Variants in CEP78 observed in about 807,000 individuals in gnomAD.
CEP78 encodes the protein centrosomal protein 78, also known as centrosomal protein of 78 kDa.
Under a neutral mutation model 81.2 loss-of-function variants are expected in CEP78, and 76 were observed. The ratio of observed to expected loss-of-function variants is 0.94; its 90% confidence interval spans 0.78 to 1.13. The LOEUF (loss-of-function observed/expected upper bound fraction) is 1.13. Among genes scored for constraint, CEP78 ranks in the 50% most tolerant of loss-of-function variants. The probability of loss-of-function intolerance (pLI) is 0.00; values close to 1 mark genes in which losing one functional copy is unlikely to be tolerated. For synonymous variants in CEP78, 293 were observed against 301.4 expected (o/e 0.97, Z 0.29); for missense variants, 918 against 846.8 (o/e 1.08, Z -1.04).
intron 10 of CEP78, chr9:78,253,990 C>G (rs1171337154): frequency 6.6e-6 from 1 of 152,154 alleles, no homozygotes; most frequent in Admixed American, 6.5e-5. Flanking sequence ...CTCATGACTT[C>G]TCTTCTGTAC....
rs990495084 is a variant in CEP78 at position 78,277,232 on chromosome 9, G to A, written c.*6381G>A. Reference sequence around the variant, plus strand: ...ACTGGAAAAAAATTGTAATAAATGTGTAAGAAAGGCATTCCCAACCAAGAC... The same window carrying A: ...ACTGGAAAAAAATTGTAATAAATGTATAAGAAAGGCATTCCCAACCAAGAC... On this transcript the variant is annotated 3_prime_UTR_variant, in exon 17 of 17. Coordinates refer to ENST00000643273, the MANE Select transcript of CEP78 (RefSeq NM_001330691.3). 6.6e-6 allele frequency: 1 copy of A among 151,946 alleles called. No individual in the cohort carries two copies. The highest frequency in any genetic ancestry group is 2.1e-4 in the South Asian group (1 of 4,812). 9.4% of individuals were successfully genotyped at this position (151,946 alleles called of 1,614,324 possible).
At chr9:78,240,960 C>G (rs1209678366) in intron 3 of CEP78, among the ~76,000 whole-genome samples, 2 of 149,306 alleles carry the variant, frequency 1.3e-5, no homozygotes, top group Non-Finnish European at 3.0e-5. Flanking sequence ...AAGACTCCGT[C>G]TCAAAAAAAA....
At position 78,239,645 on chromosome 9, in the gene CEP78, C is replaced by T. The variant is rs560291852; in HGVS notation, c.254-378C>T. Among the ~76,000 whole-genome samples, 466 of 152,294 alleles carry T rather than the reference C, an allele frequency of 3.1e-3. 1 individual carries two copies. Among genetic ancestry groups the T allele is most frequent in the African/African-American group, 0.011 (451 of 41,558 alleles). ...CCTCTTTGTAAATTTCTGACTCTTC[C>T]GGCTACGGCTCTGGGCTTTAGTCGG... is the stretch of plus-strand genomic sequence containing the variant. On this transcript the variant is annotated intron_variant, in intron 1 of 16. Coordinates refer to ENST00000643273, the MANE Select transcript of CEP78 (RefSeq NM_001330691.3).
In CEP78 at chr9:78,236,580, T is replaced by C. The variant is rs774048983; in HGVS notation, c.230T>C (p.Phe77Ser). 2 of 1,556,270 alleles carry C rather than the reference T, an allele frequency of 1.3e-6. No individual in the cohort carries two copies. The highest frequency in any genetic ancestry group is 1.7e-6 in the Non-Finnish European group (2 of 1,151,726). ...CCCTTGGTCTCCATCAAGAGCTTCT[T>C]CCAGCCCTGGCTGGGGGACACAGGT... is the stretch of plus-strand genomic sequence containing the variant. ...DLPLVSIKSF[F>S]QPWLGDTGSD... Residue 77 changes from phenylalanine (F) to serine (S), a missense_variant, in exon 1 of 17, where the codon TTC (phenylalanine) becomes TCC (serine). Physicochemically the swap from Phe to Ser is radical, Grantham distance 155. Coordinates refer to ENST00000643273, the MANE Select transcript of CEP78 (RefSeq NM_001330691.3).
intron 7 of CEP78, 102 bp downstream of exon 7, chr9:78,248,457 G>C (rs1367468727): frequency 1.3e-6 from 1 of 758,310 alleles, no homozygotes; most frequent in Non-Finnish European, 2.3e-6. Flanking sequence ...CTGAGCTCCA[G>C]TGATCTTCCC....
At chr9:78,240,627 AG>A (rs140238480) in intron 3 of CEP78, among the ~76,000 whole-genome samples, 1,634 of 152,318 alleles carry the variant, frequency 0.011, 13 homozygotes, top group Non-Finnish European at 0.012. Flanking sequence ...TTCATCTTTT[AG>A]AGTTTTTCTT....
At chr9:78,253,120 A>G (rs1209052714) in intron 9 of CEP78, 112 bp from the exon 10 acceptor site, 21 of 644,968 alleles carry the variant, frequency 3.3e-5, no homozygotes, top group Middle Eastern at 4.1e-4. Flanking sequence ...ATTTATCTCT[A>G]TGCACAGTTA....
Position 78,256,564 on chromosome 9 carries a change from G to A in CEP78, c.1380+1600G>A, listed in dbSNP as rs547010914. On this transcript the variant is annotated intron_variant, in intron 11 of 16. Coordinates refer to ENST00000643273, the MANE Select transcript of CEP78 (RefSeq NM_001330691.3). ...TTTTTTTTTTTTGAGATGGAGTCTC[G>A]CTCTGTCGCCCAGGCTGGAATGCAG... Among the ~76,000 whole-genome samples the A allele has an allele frequency of 2.5e-5, 3 of 118,356 alleles. No individual in the cohort carries two copies. The South Asian group carries it at 7.8e-4, about 31-fold the overall frequency. 77.6% of individuals were successfully genotyped at this position (118,356 alleles called of 152,430 possible).
rs561997676 is a variant in CEP78, at chr9:78,275,003, A to C, written c.*4152A>C. On this transcript the variant is annotated 3_prime_UTR_variant, in exon 17 of 17. Coordinates refer to ENST00000643273, the MANE Select transcript of CEP78 (RefSeq NM_001330691.3). Reference sequence around the variant, plus strand: ...TAGCAAATTTTGATCAGTGAAACACAGGTTTTTAAAAATGAAAGATAAACC... The same window carrying C: ...TAGCAAATTTTGATCAGTGAAACACCGGTTTTTAAAAATGAAAGATAAACC... 25 of 152,342 alleles carry C rather than the reference A, an allele frequency of 1.6e-4. No individual in the cohort carries two copies. Among genetic ancestry groups the C allele is most frequent in the South Asian group, 4.1e-4 (2 of 4,832 alleles). The allele number at this position is 152,342 out of a possible 1,614,324, so 9.4% of individuals were successfully genotyped here. A position where few individuals can be genotyped will look rare whatever the true frequency, so the allele number is the denominator to read the frequency against.
At position 78,265,640 on chromosome 9, in the gene CEP78, C is replaced by T. The variant is rs188962180; in HGVS notation, c.1797+97C>T. Reference sequence around the variant, plus strand: ...AAAAGAATAATGATCTGTGCACATGCTCAGGGACCAGAAGCATCTTTGGGG... The same window carrying T: ...AAAAGAATAATGATCTGTGCACATGTTCAGGGACCAGAAGCATCTTTGGGG... On this transcript the variant is annotated intron_variant, in intron 14 of 16. Coordinates refer to ENST00000643273, the MANE Select transcript of CEP78 (RefSeq NM_001330691.3). The T allele has an allele frequency of 5.2e-4, 610 of 1,164,276 alleles. 1 individual carries two copies. The African/African-American group carries it at 8.6e-3, about 16-fold the overall frequency. The allele number at this position is 1,164,276 out of a possible 1,614,324, so 72.1% of individuals were successfully genotyped here.
At chr9:78,247,658 G>C (rs1210505452) in intron 6 of CEP78, among the ~76,000 whole-genome samples, 1 of 152,160 alleles carries the variant, frequency 6.6e-6, no homozygotes, top group Admixed American at 6.5e-5. Context: ...ATGACTTGGT[G>C]TGGAGAATAC....
At chr9:78,260,799 C>T (rs1240564035) in intron 11 of CEP78, among the ~76,000 whole-genome samples, 3 of 151,976 alleles carry the variant, frequency 2.0e-5, no homozygotes, top group Non-Finnish European at 4.4e-5. Flanking sequence ...TACAGTCTTC[C>T]CTCAGCATAC....
intron 11 of CEP78, 143 bp downstream of exon 11, chr9:78,255,107 C>T (rs1826958354): frequency 3.7e-6 from 2 of 546,808 alleles, no homozygotes; most frequent in Non-Finnish European, 6.1e-6. Context: ...TTGAATGGTT[C>T]TTTATCTTAG....
At chr9:78,256,004 C>G (rs1478269061) in intron 11 of CEP78, among the ~76,000 whole-genome samples, 1 of 152,180 alleles carries the variant, frequency 6.6e-6, no homozygotes, top group Non-Finnish European at 1.5e-5. Context: ...TAGCTCTTTT[C>G]TATTTTAAGA....
At chr9:78,263,958 A>C (rs1268351826) in intron 12 of CEP78, 192 bp from the exon 13 acceptor site, 9 of 349,824 alleles carry the variant, frequency 2.6e-5, no homozygotes, top group Non-Finnish European at 1.0e-5. Context: ...TATTTATATT[A>C]TTTATGTAGG....
intron 11 of CEP78, among the ~76,000 whole-genome samples, chr9:78,259,717 G>A (rs889176130): frequency 1.3e-5 from 2 of 152,166 alleles, no homozygotes; most frequent in African/African-American, 2.4e-5. Flanking sequence ...TATAGATGAG[G>A]AAATTAAGAC....
intron 11 of CEP78, among the ~76,000 whole-genome samples, chr9:78,255,651 A>G (rs1826985526): frequency 1.3e-5 from 2 of 152,194 alleles, no homozygotes; most frequent in African/African-American, 4.8e-5. Flanking sequence ...TTCATTTTTT[A>G]AATTAAAATT....
chr9:78,240,135 A>G lies in CEP78; in HGVS notation c.366A>G (p.Leu122=). 3 of 1,590,706 alleles carry G rather than the reference A, an allele frequency of 1.9e-6. No homozygotes were observed. Among genetic ancestry groups the G allele is most frequent in the Non-Finnish European group, 1.7e-6 (2 of 1,173,974 alleles). ...GCTGTTTAAGTATATCAAGTGTGCT[A>G]AAGAACCTGGAGCTAAATGGACTAA... is the stretch of plus-strand genomic sequence containing the variant. ...LKGCLSISSV[L]KNLELNGLIL... is the part of the protein sequence containing the mutation. Residue 122 remains leucine, a synonymous_variant, in exon 2 of 17, where the codon CTA becomes CTG. Coordinates refer to ENST00000643273, the MANE Select transcript of CEP78 (RefSeq NM_001330691.3).
intron 5 of CEP78, among the ~76,000 whole-genome samples, chr9:78,244,068 T>A (rs1752381328): frequency 6.6e-6 from 1 of 151,984 alleles, no homozygotes; most frequent in Admixed American, 6.6e-5. Context: ...GTTTGTGCTT[T>A]TCCCCTGTTA....
Sources: allele counts gnomAD v4.1 joint callset (sites outside exome capture counted in the v4.1 genomes callset), GRCh38; gene constraint gnomAD v4.1.1; transcripts MANE v1.5; gene names NCBI Gene and HGNC (gene_info 2026-07-23, HGNC 2026-07-21).